COP1: variants seen among roughly 807,000 people sequenced by gnomAD.
COP1 encodes COP1 E3 ubiquitin ligase, also known as E3 ubiquitin-protein ligase COP1.
COP1 carries 24 observed loss-of-function variants against 101.3 expected under a neutral mutation model. The observed-to-expected ratio is 0.24, with a 90% confidence interval of 0.17 to 0.33. The LOEUF is 0.33. Among genes scored for constraint, COP1 ranks in the 10% least tolerant of loss-of-function variants. The pLI is 1.00. For synonymous variants in COP1, 347 were observed against 341.9 expected, an observed-to-expected ratio of 1.01 and a Z score of -0.17; for missense variants, 663 against 906.2, an observed-to-expected ratio of 0.73 and a Z score of 3.45.
intron 18 of COP1, among the ~76,000 whole-genome samples, chr1:175,959,381 G>C (rs570581022): frequency 9.2e-5 from 14 of 152,050 alleles, no homozygotes; most frequent in African/African-American, 3.4e-4. Flanking sequence ...CTTTCCCTTT[G>C]GTGAGGAACA....
At chr1:175,990,700 T>C (rs966380882) in intron 15 of COP1, among the ~76,000 whole-genome samples, 1 of 152,172 alleles carries the variant, frequency 6.6e-6, no homozygotes, top group Non-Finnish European at 1.5e-5. Flanking sequence ...CTTTTCACTA[T>C]TGATTCTTTT....
At chr1:176,060,747 A>G (rs907589122) in intron 11 of COP1, among the ~76,000 whole-genome samples, 2 of 152,198 alleles carry the variant, frequency 1.3e-5, no homozygotes, top group Non-Finnish European at 2.9e-5. Context: ...GCAAAAATTT[A>G]CAGTTTAGAA....
intron 15 of COP1, among the ~76,000 whole-genome samples, chr1:176,015,725 TAG>T (rs1393969737): frequency 4.0e-5 from 6 of 151,768 alleles, no homozygotes; most frequent in African/African-American, 1.2e-4. Flanking sequence ...ATGGAAGAAA[TAG>T]AGGAGTGGTC....
chr1:176,127,624 T>C (rs12117748), intron 8 of COP1, among the ~76,000 whole-genome samples: 20,431 of 151,508 alleles, frequency 0.13, 1,643 homozygotes, highest in Admixed American at 0.2. Flanking sequence ...TATATATATA[T>C]ACATACAATA....
chr1:176,045,230 A>G (rs1005144408), intron 12 of COP1, among the ~76,000 whole-genome samples: 1 of 152,192 alleles, frequency 6.6e-6, no homozygotes, highest in Non-Finnish European at 1.5e-5. Flanking sequence ...TGCCTGATAT[A>G]TAAGAATTCA....
chr1:176,062,269 T>C (rs773717880), intron 11 of COP1, among the ~76,000 whole-genome samples: 37 of 152,146 alleles, frequency 2.4e-4, no homozygotes, highest in Non-Finnish European at 4.7e-4. Flanking sequence ...CCCAATGTGC[T>C]GGGATTACAG....
chr1:176,118,955 G>A (rs1365660363), intron 8 of COP1, among the ~76,000 whole-genome samples: 1 of 152,066 alleles, frequency 6.6e-6, no homozygotes, highest in Non-Finnish European at 1.5e-5. Flanking sequence ...AAAGTTAGAT[G>A]AGTGCCAAAA....
At chr1:176,060,279 G>A (rs1391535450) in intron 11 of COP1, among the ~76,000 whole-genome samples, 1 of 152,104 alleles carries the variant, frequency 6.6e-6, no homozygotes. Flanking sequence ...TGAATATCAA[G>A]TGTTTATTTT....
chr1:176,070,402 C>A (rs974178445), intron 11 of COP1, among the ~76,000 whole-genome samples: 6 of 151,258 alleles, frequency 4.0e-5, no homozygotes, highest in African/African-American at 7.3e-5. Flanking sequence ...GTGGCTAACA[C>A]CTGTAATCCC....
rs527889650 is a variant in COP1, at chr1:176,119,285, G to A, written c.969-2604C>T. 5.5e-4 allele frequency among the ~76,000 whole-genome samples: 83 copies of A among 152,264 alleles called. No homozygotes were observed. In the South Asian group the frequency reaches 0.017, roughly 31 times the overall value. On this transcript the variant is annotated intron_variant, in intron 8 of 19. Transcript: ENST00000367669. ...GTGTTTGTATAACACTAATAAAATT[G>A]TGTAGTTGCATATTTAGAGGCCTAT...
chr1:175,960,981 T>C (rs1260746213), intron 18 of COP1, among the ~76,000 whole-genome samples: 2 of 152,154 alleles, frequency 1.3e-5, no homozygotes, highest in African/African-American at 2.4e-5. Context: ...GGGGCCTGGA[T>C]AGACAAAAAG....
intron 15 of COP1, among the ~76,000 whole-genome samples, chr1:176,003,665 A>G (rs1214673540): frequency 6.6e-6 from 1 of 152,104 alleles, no homozygotes; most frequent in Non-Finnish European, 1.5e-5. Flanking sequence ...AGTTGTAGAT[A>G]CGTGGCGTTA....
chr1:175,998,729 A>T (rs1660893739), intron 15 of COP1, among the ~76,000 whole-genome samples: 2 of 152,214 alleles, frequency 1.3e-5, no homozygotes, highest in Non-Finnish European at 2.9e-5. Flanking sequence ...AAGTTAATTA[A>T]AATTTGGAAG....
At chr1:176,034,234 A>C (rs556748714) in intron 14 of COP1, among the ~76,000 whole-genome samples, 4 of 152,274 alleles carry the variant, frequency 2.6e-5, no homozygotes, top group African/African-American at 9.6e-5. Flanking sequence ...TCAGCACCTC[A>C]AGCAACAAAC....
At chr1:176,146,104 T>C (rs996293045) in intron 6 of COP1, among the ~76,000 whole-genome samples, 1 of 152,178 alleles carries the variant, frequency 6.6e-6, no homozygotes, top group Non-Finnish European at 1.5e-5. Flanking sequence ...AACGATTATA[T>C]TACAGTAAAT....
At chr1:176,058,204 C>T (rs1432383076) in intron 11 of COP1, among the ~76,000 whole-genome samples, 1 of 148,440 alleles carries the variant, frequency 6.7e-6, no homozygotes, top group African/African-American at 2.5e-5. Context: ...CAGCCCCTGC[C>T]CAGCCGCCCC....
rs139444880 is a variant in COP1, at chr1:176,101,321, G to A, written c.1026+15303C>T. On this transcript the variant is annotated intron_variant, in intron 9 of 19. Coordinates refer to ENST00000367669, the MANE Select transcript of COP1 (RefSeq NM_022457.7). ...GGAAGAGAAGGGAACCTGGGGCACC[G>A]TGCTCCTCTCTTTCTAGATAAGCAG... 2.6e-3 allele frequency among the ~76,000 whole-genome samples: 400 copies of A among 152,154 alleles called. 3 individuals are homozygous for A. Among genetic ancestry groups the A allele is most frequent in the African/African-American group, 9.2e-3 (382 of 41,524 alleles).
At chr1:176,136,754 A>G (rs1689856115) in intron 6 of COP1, among the ~76,000 whole-genome samples, 2 of 152,198 alleles carry the variant, frequency 1.3e-5, no homozygotes, top group South Asian at 4.1e-4. Flanking sequence ...GAATTATGTG[A>G]AAACACAATG....
chr1:176,151,888 T>C (rs1051191416), intron 5 of COP1, among the ~76,000 whole-genome samples: 2 of 152,184 alleles, frequency 1.3e-5, no homozygotes, highest in Non-Finnish European at 2.9e-5. Flanking sequence ...TAAGTTCATC[T>C]TCCCAAGTAC....
Sources: gnomAD v4.1 joint callset for allele counts (sites outside exome capture counted in the v4.1 genomes callset) on GRCh38, gnomAD v4.1.1 for gene constraint, MANE v1.5 for transcripts, NCBI Gene and HGNC (gene_info 2026-07-23, HGNC 2026-07-21) for gene names.